The following FHIT variants were observed in gnomAD, a reference collection of about 807,000 sequenced individuals.
FHIT encodes the protein fragile histidine triad diadenosine triphosphatase, also known as bis(5'-adenosyl)-triphosphatase.
In FHIT, 19 loss-of-function variants were observed where a neutral mutation model predicts 17.9. The ratio of observed to expected loss-of-function variants is 1.06; its 90% CI spans 0.74 to 1.56. The LOEUF (loss-of-function observed/expected upper bound fraction) is 1.56, where lower values mean the gene tolerates loss of function less well. Among genes scored for constraint, FHIT ranks in the 40% most tolerant of loss-of-function variants. The pLI, the probability that FHIT is intolerant of heterozygous loss-of-function variation, is 0.00. For missense variants in FHIT, 248 were observed against 189.2 expected (o/e 1.31, Z -1.82); for synonymous variants, 81 against 69.7 (o/e 1.16, Z -0.81).
intron 5 of FHIT, among the ~76,000 whole-genome samples, chr3:60,419,767 G>A (rs1406606307): frequency 6.6e-6 from 1 of 152,072 alleles, no homozygotes; most frequent in African/African-American, 2.4e-5. Context: ...GCACATCTCT[G>A]CTATTTACTA....
chr3:59,877,954 T>C (rs1426353861), intron 8 of FHIT, among the ~76,000 whole-genome samples: 1 of 152,218 alleles, frequency 6.6e-6, no homozygotes, highest in East Asian at 1.9e-4. Flanking sequence ...TTTAGTAGGA[T>C]GGTCAAAAAC....
chr3:60,439,992 C>A (rs1204115947), intron 5 of FHIT, among the ~76,000 whole-genome samples: 1 of 152,094 alleles, frequency 6.6e-6, no homozygotes, highest in Non-Finnish European at 1.5e-5. Context: ...TACTCTCACC[C>A]CTACTTCACA....
intron 5 of FHIT, among the ~76,000 whole-genome samples, chr3:60,322,942 A>C (rs554527665): frequency 6.6e-6 from 1 of 152,320 alleles, no homozygotes; most frequent in African/African-American, 2.4e-5. Context: ...TCACACTTTG[A>C]ATAAAAGGAG....
chr3:61,066,558 T>A (rs927680866), intron 2 of FHIT, among the ~76,000 whole-genome samples: 1 of 152,150 alleles, frequency 6.6e-6, no homozygotes, highest in African/African-American at 2.4e-5. Context: ...AAGGTTGCAG[T>A]GAGCAGAGAT....
At chr3:60,551,272 G>A (rs28605691) in intron 4 of FHIT, among the ~76,000 whole-genome samples, 12 of 150,258 alleles carry the variant, frequency 8.0e-5, no homozygotes, top group East Asian at 2.0e-4. Context: ...AAAGATTCAA[G>A]CTCCAGAGTG....
At chr3:60,594,405 C>A (rs1388704997) in intron 4 of FHIT, among the ~76,000 whole-genome samples, 2 of 152,122 alleles carry the variant, frequency 1.3e-5, no homozygotes, top group Non-Finnish European at 2.9e-5. Context: ...GTCGAGGAAA[C>A]CACAACTTTT....
intron 5 of FHIT, among the ~76,000 whole-genome samples, chr3:60,372,994 T>C (rs1037227909): frequency 2.0e-5 from 3 of 152,174 alleles, no homozygotes; most frequent in African/African-American, 7.2e-5. Context: ...GCCTACCAAA[T>C]AAAAATGTCA....
chr3:61,167,714 G>A (rs903369935), intron 2 of FHIT, among the ~76,000 whole-genome samples: 1 of 150,792 alleles, frequency 6.6e-6, no homozygotes. Context: ...GAAAGGAAAG[G>A]AAAAGAAAAG....
intron 5 of FHIT, among the ~76,000 whole-genome samples, chr3:60,371,185 A>C (rs1487032071): frequency 1.3e-5 from 2 of 152,148 alleles, no homozygotes; most frequent in African/African-American, 4.8e-5. Flanking sequence ...GTCCTCTATT[A>C]GACTGTAAAT....
chr3:60,440,070 A>C (rs1459881545), intron 5 of FHIT, among the ~76,000 whole-genome samples: 2 of 152,034 alleles, frequency 1.3e-5, no homozygotes, highest in Non-Finnish European at 2.9e-5. Flanking sequence ...TAGCCCCCAG[A>C]GTCTCATTTT....
Position 60,226,341 on chromosome 3 carries a change from G to A in FHIT, c.104-212189C>T, listed in dbSNP as rs140465392. 3.3e-5 allele frequency among the ~76,000 whole-genome samples: 5 copies of A among 151,962 alleles called. No individual in the cohort carries two copies. The East Asian group carries it at 5.8e-4, about 18-fold the overall frequency. On this transcript the variant is annotated intron_variant, in intron 5 of 9. Transcript: ENST00000492590. ...TACAAAATTAGCCAGGCATAGTGGCGCATGCCTGTAATCCCAGCTATTCGG... is the reference window on the plus strand; with the variant it reads ...TACAAAATTAGCCAGGCATAGTGGCACATGCCTGTAATCCCAGCTATTCGG...
At chr3:61,125,852 T>C (rs954267533) in intron 2 of FHIT, among the ~76,000 whole-genome samples, 2 of 152,192 alleles carry the variant, frequency 1.3e-5, no homozygotes, top group East Asian at 1.9e-4. Context: ...AGTATCAATA[T>C]TGAATATTTC....
intron 5 of FHIT, among the ~76,000 whole-genome samples, chr3:60,301,977 G>A (rs1009516948): frequency 2.0e-5 from 3 of 151,930 alleles, no homozygotes; most frequent in Non-Finnish European, 4.4e-5. Context: ...GTTTGCTCTC[G>A]GGAGATGATT....
At position 60,966,982 on chromosome 3, in the gene FHIT, T is replaced by C. The variant is rs1029922977; in HGVS notation, c.-111+75065A>G. Among the ~76,000 whole-genome samples, 6 of 152,328 alleles carry C rather than the reference T, an allele frequency of 3.9e-5. No individual in the cohort carries two copies. The East Asian group carries it at 1.2e-3, about 29-fold the overall frequency. On this transcript the variant is annotated intron_variant, in intron 3 of 9. Coordinates refer to ENST00000492590, the MANE Select transcript of FHIT (RefSeq NM_002012.4). ...ACTTCTCTTTCAAAAACTGTCATGGTTCTTAATCATATTCCACAATGGTCA... is the reference window on the plus strand; with the variant it reads ...ACTTCTCTTTCAAAAACTGTCATGGCTCTTAATCATATTCCACAATGGTCA...
At chr3:61,231,112 T>C (rs968096933) in intron 1 of FHIT, among the ~76,000 whole-genome samples, 5 of 152,170 alleles carry the variant, frequency 3.3e-5, no homozygotes, top group Non-Finnish European at 7.3e-5. Flanking sequence ...TGAAGAGAAA[T>C]TGGGTAACGC....
At chr3:60,324,463 T>C (rs1449971077) in intron 5 of FHIT, among the ~76,000 whole-genome samples, 4 of 151,140 alleles carry the variant, frequency 2.6e-5, no homozygotes, top group Non-Finnish European at 5.9e-5. Flanking sequence ...CGGGTGCCTA[T>C]AGTCCCAGCT....
At chr3:60,410,405 GAC>G (rs955851971) in intron 5 of FHIT, among the ~76,000 whole-genome samples, 4 of 152,166 alleles carry the variant, frequency 2.6e-5, no homozygotes, top group Admixed American at 2.6e-4. Flanking sequence ...TTATAAGACT[GAC>G]ACAGGTTAAT....
intron 5 of FHIT, among the ~76,000 whole-genome samples, chr3:60,464,024 C>T (rs2032639590): frequency 6.6e-6 from 1 of 152,258 alleles, no homozygotes; most frequent in Admixed American, 6.5e-5. Context: ...CCTTTATTTG[C>T]ACAGTTTGGA....
intron 8 of FHIT, among the ~76,000 whole-genome samples, chr3:59,914,578 AT>A (rs1054627821): frequency 2.0e-5 from 3 of 152,306 alleles, no homozygotes; most frequent in Middle Eastern, 3.4e-3. Flanking sequence ...AAATAAAAAC[AT>A]TTACAAATGC....
Sources: gnomAD v4.1 joint callset for allele counts (sites outside exome capture counted in the v4.1 genomes callset) on GRCh38, gnomAD v4.1.1 for gene constraint, MANE v1.5 for transcripts, NCBI Gene and HGNC (gene_info 2026-07-23, HGNC 2026-07-21) for gene names.